MYH16: variants seen among roughly 807,000 people sequenced by gnomAD.
MYH16 encodes the protein myosin heavy chain 16, also known as putative uncharacterized protein MYH16.
chr7:99,240,367 C>T (rs1046380421), intron 1 of MYH16, among the ~76,000 whole-genome samples: 11 of 152,124 alleles, frequency 7.2e-5, no homozygotes, highest in African/African-American at 2.4e-4. Context: ...CCATTGCACC[C>T]GGCCACTTTT....
chr7:99,273,268 C>T (rs1055879853), intron 19 of MYH16, 74 bp from the exon 2 acceptor site: 2 of 452,390 alleles, frequency 4.4e-6, no homozygotes, highest in Middle Eastern at 3.2e-4. Flanking sequence ...ATTCCCAGGC[C>T]CCACCCCTTC....
exon 23 of MYH16, chr7:99,280,904 C>CG: frequency 2.4e-6 from 1 of 419,842 alleles, no homozygotes; most frequent in East Asian, 9.0e-5. Flanking sequence ...CGTACCCTGA[C>CG]GGGGGACCTC....
At chr7:99,242,571 G>A (rs1282223019) in intron 1 of MYH16, among the ~76,000 whole-genome samples, 1 of 152,184 alleles carries the variant, frequency 6.6e-6, no homozygotes, top group Non-Finnish European at 1.5e-5. Context: ...CCAAGAGATT[G>A]AAGCTGCAGT....
intron 37 of MYH16, among the ~76,000 whole-genome samples, chr7:99,299,901 T>C (rs956352110): frequency 2.0e-5 from 3 of 151,752 alleles, no homozygotes; most frequent in Admixed American, 6.6e-5. Context: ...AAACAGGAAG[T>C]TGGGCCCGTC....
intron 13 of MYH16, among the ~76,000 whole-genome samples, chr7:99,262,160 G>A (rs566361473): frequency 5.3e-5 from 8 of 152,166 alleles, no homozygotes; most frequent in Non-Finnish European, 1.2e-4. Flanking sequence ...AATTAATAGG[G>A]GAGGTGACGT....
chr7:99,264,062 G>C (rs1053483531), intron 14 of MYH16, among the ~76,000 whole-genome samples: 1 of 152,212 alleles, frequency 6.6e-6, no homozygotes, highest in African/African-American at 2.4e-5. Context: ...TGAGAATTAC[G>C]CTGTAGCCAG....
intron 1 of MYH16, among the ~76,000 whole-genome samples, chr7:99,239,530 G>C (rs4236543): frequency 0.93 from 142,245 of 152,168 alleles, 66,529 homozygotes; most frequent in Middle Eastern, 0.99. Context: ...TGGAGCATGG[G>C]GGTGGTGTGC....
chr7:99,284,102 G>A (rs998165443), intron 25 of MYH16, 84 bp downstream of exon 7: 9 of 376,846 alleles, frequency 2.4e-5, no homozygotes, highest in Middle Eastern at 4.2e-4. Flanking sequence ...GCCAGGCACT[G>A]TATGGAGAGC....
rs563374370 is a variant in MYH16 at position 99,287,689 on chromosome 7, G to A, written n.3461-203G>A. ...GTTAGGACTTGAGTATATCTTTTTG[G>A]AGGGCACAATTTAACACACAACACC... is the stretch of plus-strand genomic sequence containing the variant. On this transcript the variant is annotated intron_variant and non_coding_transcript_variant, in intron 28 of 41. Coordinates refer to ENST00000439784, the Ensembl canonical transcript of MYH16. 26 of 347,354 alleles carry A rather than the reference G, an allele frequency of 7.5e-5. No individual in the cohort carries two copies. In the East Asian group the frequency reaches 1.8e-3, roughly 24 times the overall value. The allele number at this position is 347,354 out of a possible 1,614,324, so 21.5% of individuals were successfully genotyped here.
At chr7:99,309,968 G>A (rs1792737263), downstream of MYH16, among the ~76,000 whole-genome samples, 1 of 152,020 alleles carries the variant, frequency 6.6e-6, no homozygotes. Flanking sequence ...GTTGCAGTGA[G>A]CCGAGATTGT....
chr7:99,251,186 CGTAA>C (rs1300308935), intron 6 of MYH16: 5 of 216,218 alleles, frequency 2.3e-5, no homozygotes, highest in African/African-American at 1.2e-4. Flanking sequence ...CCTCTCGCTT[CGTAA>C]GTGTGGGGAC....
At chr7:99,291,223 T>C (rs1420946598) in intron 30 of MYH16, 100 bp from the exon 12 acceptor site, 1 of 396,102 alleles carries the variant, frequency 2.5e-6, no homozygotes, top group Non-Finnish European at 5.0e-6. Flanking sequence ...CAAGCCACCA[T>C]ATTTATTGGG....
intron 3 of MYH16, among the ~76,000 whole-genome samples, chr7:99,248,667 G>C (rs1791766815): frequency 6.6e-6 from 1 of 152,256 alleles, no homozygotes; most frequent in African/African-American, 2.4e-5. Context: ...TTACAGGCAT[G>C]AGTCATGCTG....
chr7:99,292,419 C>T (rs955351640), exon 32 of MYH16: 8 of 458,138 alleles, frequency 1.7e-5, no homozygotes, highest in South Asian at 3.1e-5. Context: ...TGCAGCGCCT[C>T]GTGTCCAAAC....
chr7:99,277,376 G>A (rs968378497), intron 20 of MYH16, among the ~76,000 whole-genome samples, 163 bp from the exon 3 acceptor site: 4 of 152,170 alleles, frequency 2.6e-5, no homozygotes, highest in Admixed American at 1.3e-4. Flanking sequence ...TCAGCCTGGT[G>A]GCATCTGTGG....
exon 24 of MYH16, chr7:99,283,601 G>A (rs913919892): frequency 2.6e-5 from 12 of 456,370 alleles, no homozygotes; most frequent in Non-Finnish European, 5.3e-5. Flanking sequence ...GGAGGACAAG[G>A]TGAACCACCT....
In MYH16 at chr7:99,277,935, G is replaced by C. The variant is rs752507503; in HGVS notation, n.2659+223G>C. ...TGTGTGTGAGAGAGAGAGAGAGAGA[G>C]AGACAGACAGACAGACAGACAGACA... On this transcript the variant is annotated intron_variant and non_coding_transcript_variant, in intron 21 of 41. Transcript: ENST00000439784. 5.1e-3 allele frequency among the ~76,000 whole-genome samples: 735 copies of C among 143,814 alleles called. 5 individuals are homozygous for C. Among genetic ancestry groups the C allele is most frequent in the Middle Eastern group, 0.018 (5 of 274 alleles). 94.3% of individuals were successfully genotyped at this position (143,814 alleles called of 152,430 possible). A position where few individuals can be genotyped will look rare whatever the true frequency, so the allele number is the denominator to read the frequency against.
chr7:99,262,411 G>A (rs1455345762), intron 13 of MYH16, among the ~76,000 whole-genome samples: 1 of 152,170 alleles, frequency 6.6e-6, no homozygotes, highest in Non-Finnish European at 1.5e-5. Context: ...GGATGTGGCC[G>A]ATACTTGGAG....
chr7:99,276,889 CAGAG>C (rs953112316), intron 20 of MYH16, among the ~76,000 whole-genome samples: 1 of 150,584 alleles, frequency 6.6e-6, no homozygotes, highest in Admixed American at 6.6e-5. Flanking sequence ...GAGAGACAGG[CAGAG>C]AGAGAGACAG....
Sources: allele counts gnomAD v4.1 joint callset (sites outside exome capture counted in the v4.1 genomes callset), GRCh38; gene constraint gnomAD v4.1.1; transcripts MANE v1.5; gene names NCBI Gene and HGNC (gene_info 2026-07-23, HGNC 2026-07-21).